Variants in CSRNP3 observed in about 807,000 individuals in gnomAD.
CSRNP3 encodes cysteine and serine rich nuclear protein 3, also known as cysteine/serine-rich nuclear protein 3.
CSRNP3 carries 12 observed loss-of-function variants against 48.0 expected under a neutral mutation model. That is an observed-to-expected ratio of 0.25 (90% CI 0.16 to 0.41). CSRNP3 has a LOEUF of 0.41. Among genes scored for constraint, CSRNP3 ranks in the 10% least tolerant of loss-of-function variants. The probability of loss-of-function intolerance (pLI) is 1.00; values close to 1 mark genes in which losing one functional copy is unlikely to be tolerated. For missense variants in CSRNP3, 580 were observed against 724.4 expected, an observed-to-expected ratio of 0.80 and a Z score of 2.29; for synonymous variants, 263 against 269.7, an observed-to-expected ratio of 0.98 and a Z score of 0.24.
At chr2:165,641,462 C>CA (rs1573938061) in intron 4 of CSRNP3, among the ~76,000 whole-genome samples, 1 of 152,296 alleles carries the variant, frequency 6.6e-6, no homozygotes, top group East Asian at 1.9e-4. Context: ...TTCACATACT[C>CA]AAAAAATGTC....
chr2:165,681,823 G>A lies in CSRNP3; in HGVS notation c.*2070G>A, dbSNP rs1434291247. ...TATGTATGTGTGTGTGTGTGTGTGT[G>A]TGTGTGTATATATATATATCCCATG... On this transcript the variant is annotated 3_prime_UTR_variant, in exon 7 of 7. Coordinates refer to ENST00000651982, the MANE Select transcript of CSRNP3 (RefSeq NM_001172173.2). The A allele has an allele frequency of 2.6e-4, 36 of 140,952 alleles. 1 individual carries two copies. Among genetic ancestry groups the A allele is most frequent in the African/African-American group, 8.9e-4 (34 of 38,042 alleles). 8.7% of individuals were successfully genotyped at this position (140,952 alleles called of 1,614,324 possible).
At chr2:165,494,557 C>T (rs1044045110) in intron 1 of CSRNP3, among the ~76,000 whole-genome samples, 2 of 152,038 alleles carry the variant, frequency 1.3e-5, no homozygotes, top group Non-Finnish European at 2.9e-5. Flanking sequence ...TTATAAGACA[C>T]TGTTGTCAGA....
At chr2:165,674,231 A>G (rs888767059) in intron 5 of CSRNP3, among the ~76,000 whole-genome samples, 6 of 152,140 alleles carry the variant, frequency 3.9e-5, no homozygotes, top group Non-Finnish European at 2.9e-5. Context: ...GCTGAGGTTC[A>G]CAGAGACAAG....
chr2:165,556,855 G>A lies in CSRNP3; in HGVS notation c.-23-38188G>A, dbSNP rs145147280. Among the ~76,000 whole-genome samples the A allele has an allele frequency of 7.4e-3, 1,121 of 152,254 alleles. 10 individuals carry two copies. The highest frequency in any genetic ancestry group is 0.025 in the African/African-American group (1,047 of 41,542). ...TGGCTTTTGAATAAAATGAGAGGGT[G>A]TGATCTGAACTAATAGTTAGCCTGA... On this transcript the variant is annotated intron_variant, in intron 3 of 6. Transcript: ENST00000651982.
chr2:165,683,973 G>C lies in CSRNP3; in HGVS notation c.*4220G>C, dbSNP rs1038386080. 9.9e-5 allele frequency: 15 copies of C among 152,158 alleles called. No homozygotes were observed. Among genetic ancestry groups the C allele is most frequent in the African/African-American group, 3.6e-4 (15 of 41,536 alleles). The allele number at this position is 152,158 out of a possible 1,614,324, so 9.4% of individuals were successfully genotyped here. On this transcript the variant is annotated 3_prime_UTR_variant, in exon 7 of 7. Coordinates refer to ENST00000651982, the MANE Select transcript of CSRNP3 (RefSeq NM_001172173.2). ...AGCTAGGACTGAATCAAATGAAAAA[G>C]AAATTTTCGATTAATTGCTTCTTCA... is the stretch of plus-strand genomic sequence containing the variant.
At chr2:165,620,807 GATATT>G (rs1325315557) in intron 4 of CSRNP3, among the ~76,000 whole-genome samples, 1 of 151,988 alleles carries the variant, frequency 6.6e-6, no homozygotes, top group African/African-American at 2.4e-5. Context: ...TTATCTGTAG[GATATT>G]ATATTATAAT....
chr2:165,507,608 T>C (rs1284055492), intron 2 of CSRNP3, among the ~76,000 whole-genome samples: 1 of 152,216 alleles, frequency 6.6e-6, no homozygotes. Context: ...ATTTTTTCCT[T>C]TATTTACACT....
At chr2:165,484,334 C>G (rs1684085459) in intron 1 of CSRNP3, among the ~76,000 whole-genome samples, 1 of 152,064 alleles carries the variant, frequency 6.6e-6, no homozygotes, top group Admixed American at 6.6e-5. Context: ...CTCCAGTGAT[C>G]CACCTGCCTA....
chr2:165,619,568 A>G (rs571842650), intron 4 of CSRNP3, among the ~76,000 whole-genome samples: 3 of 152,116 alleles, frequency 2.0e-5, no homozygotes, highest in African/African-American at 7.2e-5. Flanking sequence ...TACAAAATCA[A>G]TTATAAAGTT....
intron 3 of CSRNP3, among the ~76,000 whole-genome samples, chr2:165,565,132 A>G (rs542161609): frequency 2.6e-4 from 39 of 152,200 alleles, no homozygotes; most frequent in Admixed American, 2.5e-3. Context: ...GCTATGGCCT[A>G]CAAAGAGTAG....
In CSRNP3 at chr2:165,681,803, ATGTGTGTGTGTG is replaced by A. The variant is rs372840967; in HGVS notation, c.*2066_*2077del. 16 of 126,816 alleles carry A rather than the reference ATGTGTGTGTGTG, an allele frequency of 1.3e-4. No homozygotes were observed. Among genetic ancestry groups the A allele is most frequent in the Non-Finnish European group, 1.8e-4 (11 of 60,814 alleles). The allele number at this position is 126,816 out of a possible 1,614,324, so 7.9% of individuals were successfully genotyped here. A position where few individuals can be genotyped will look rare whatever the true frequency, so the allele number is the denominator to read the frequency against. On this transcript the variant is annotated 3_prime_UTR_variant, in exon 7 of 7. Coordinates refer to ENST00000651982, the MANE Select transcript of CSRNP3 (RefSeq NM_001172173.2). ...TACACATATATATACACATATATGT[ATGTGTGTGTGTG>A]TGTGTGTGTGTGTGTATATATATAT... is the stretch of plus-strand genomic sequence containing the variant.
intron 4 of CSRNP3, among the ~76,000 whole-genome samples, chr2:165,646,448 G>C (rs890780397): frequency 6.6e-6 from 1 of 152,184 alleles, no homozygotes; most frequent in African/African-American, 2.4e-5. Context: ...TGCTTGGGAA[G>C]TCACTGAGCA....
At chr2:165,546,342 G>A (rs867867389) in intron 3 of CSRNP3, among the ~76,000 whole-genome samples, 4 of 151,920 alleles carry the variant, frequency 2.6e-5, no homozygotes, top group East Asian at 1.9e-4. Flanking sequence ...ACAGGCGCCC[G>A]CCACCAGGCC....
rs114190464 is a variant in CSRNP3 at position 165,580,408 on chromosome 2, C to T, written c.-23-14635C>T. On this transcript the variant is annotated intron_variant, in intron 3 of 6. Transcript: ENST00000651982. ...GCTTCAGGCTTAACAACTATTGTTG[C>T]CTGTCCCTGCCTTAAATAGTAAAAA... Among the ~76,000 whole-genome samples the T allele has an allele frequency of 2.1e-3, 322 of 152,238 alleles. 2 individuals are homozygous for T. The highest frequency in any genetic ancestry group is 7.6e-3 in the African/African-American group (316 of 41,540).
intron 3 of CSRNP3, among the ~76,000 whole-genome samples, chr2:165,540,696 C>T (rs1212610374): frequency 1.3e-5 from 2 of 151,936 alleles, no homozygotes; most frequent in South Asian, 2.1e-4. Flanking sequence ...GCTGGCTTGT[C>T]CCTGTAAGAT....
rs34523205 is a variant in CSRNP3, at chr2:165,592,802, A to ATTT, written c.-23-2226_-23-2224dup. 3.6e-5 allele frequency among the ~76,000 whole-genome samples: 5 copies of ATTT among 139,848 alleles called. 1 individual carries two copies. The highest frequency in any genetic ancestry group is 7.1e-5 in the Admixed American group (1 of 14,002). The allele number at this position is 139,848 out of a possible 152,430, so 91.7% of individuals were successfully genotyped here. On this transcript the variant is annotated intron_variant, in intron 3 of 6. Transcript: ENST00000651982. ...CTGTGAGTCAATTAAACCTCTTTTC[A>ATTT]TTTTTTTTTTTTTTTTTGAGACGGA...
At chr2:165,558,701 A>T (rs1184915425) in intron 3 of CSRNP3, among the ~76,000 whole-genome samples, 2 of 152,304 alleles carry the variant, frequency 1.3e-5, no homozygotes, top group East Asian at 1.9e-4. Flanking sequence ...ATTACAAATT[A>T]AAAAAATTAA....
chr2:165,491,950 T>TAAAA (rs560385044), intron 1 of CSRNP3, among the ~76,000 whole-genome samples: 2,152 of 104,498 alleles, frequency 0.021, 37 homozygotes, highest in African/African-American at 0.064. Context: ...TAAAGTATAA[T>TAAAA]AAAAAAAAAA....
chr2:165,589,323 G>A (rs1685680512), intron 3 of CSRNP3, among the ~76,000 whole-genome samples: 1 of 152,172 alleles, frequency 6.6e-6, no homozygotes, highest in Non-Finnish European at 1.5e-5. Context: ...TCTAGATTAA[G>A]GGTTACATAC....
Sources: gnomAD v4.1 joint callset for allele counts (sites outside exome capture counted in the v4.1 genomes callset) on GRCh38, gnomAD v4.1.1 for gene constraint, MANE v1.5 for transcripts, NCBI Gene and HGNC (gene_info 2026-07-23, HGNC 2026-07-21) for gene names.